Variants in RCAN1 observed in about 807,000 individuals in gnomAD.
RCAN1 encodes the protein regulator of calcineurin 1, also known as calcipressin-1.
RCAN1 carries 11 observed loss-of-function variants against 22.9 expected under a neutral mutation model. The observed-to-expected ratio is 0.48, with a 90% CI of 0.30 to 0.79. The LOEUF (loss-of-function observed/expected upper bound fraction) is 0.79. Among genes scored for constraint, RCAN1 ranks in the 30% least tolerant of loss-of-function variants. RCAN1 has a pLI of 0.06. For synonymous variants in RCAN1, 136 were observed against 142.3 expected (o/e 0.96, Z 0.32); for missense variants, 291 against 337.8 (o/e 0.86, Z 1.09).
chr21:34,614,412 G>A lies in RCAN1; in HGVS notation c.252+348C>T, dbSNP rs879135477. 254 of 999,978 alleles carry A rather than the reference G, an allele frequency of 2.5e-4. No individual in the cohort carries two copies. The highest frequency in any genetic ancestry group is 1.5e-3 in the Middle Eastern group (3 of 2,002). The allele number at this position is 999,978 out of a possible 1,614,324, so 61.9% of individuals were successfully genotyped here. ...GAATGAGGTGACCCCCTCCTCCAGC[G>A]AGTAAATGCGGGGCGATGGCGAGAG... On this transcript the variant is annotated intron_variant, in intron 1 of 3. Coordinates refer to ENST00000313806, the MANE Select transcript of RCAN1 (RefSeq NM_004414.7). The surrounding 1 kb of genome is among the most constrained non-coding windows in gnomAD (Gnocchi z 6.0).
At chr21:34,548,638 C>G (rs1893436094) in intron 1 of RCAN1, among the ~76,000 whole-genome samples, 1 of 152,172 alleles carries the variant, frequency 6.6e-6, no homozygotes, top group Non-Finnish European at 1.5e-5. Context: ...AAACCTTTGT[C>G]TTTAACTGTA....
intron 1 of RCAN1, among the ~76,000 whole-genome samples, chr21:34,537,926 C>T (rs991142836): frequency 6.1e-4 from 93 of 152,334 alleles, no homozygotes; most frequent in African/African-American, 2.2e-3. Flanking sequence ...GAAATGTTGT[C>T]TCCCACTCCT....
intron 1 of RCAN1, among the ~76,000 whole-genome samples, chr21:34,597,633 A>C (rs1486832103): frequency 6.6e-6 from 1 of 152,258 alleles, no homozygotes; most frequent in Non-Finnish European, 1.5e-5. Context: ...GCCACACCCA[A>C]GCTATGGTCA....
intron 1 of RCAN1, among the ~76,000 whole-genome samples, chr21:34,530,624 T>TGTTTGTTTG (rs1190124200): frequency 1.9e-5 from 2 of 102,842 alleles, no homozygotes; most frequent in African/African-American, 9.5e-5. Context: ...TAGTTTTTTT[T>TGTTTGTTTG]TTTTTTTTTT....
At chr21:34,567,303 A>AG (rs1211548574) in intron 1 of RCAN1, among the ~76,000 whole-genome samples, 20 of 152,292 alleles carry the variant, frequency 1.3e-4, no homozygotes, top group African/African-American at 4.6e-4. Flanking sequence ...GAGACCATCC[A>AG]GGCTAACATG....
chr21:34,605,375 T>G (rs1988490908), intron 1 of RCAN1, among the ~76,000 whole-genome samples: 1 of 152,198 alleles, frequency 6.6e-6, no homozygotes, highest in Non-Finnish European at 1.5e-5. Context: ...ACCTTGGGAT[T>G]GTGTGCGTCA....
At chr21:34,561,271 T>C (rs533643527) in intron 1 of RCAN1, among the ~76,000 whole-genome samples, 50 of 152,170 alleles carry the variant, frequency 3.3e-4, no homozygotes, top group Non-Finnish European at 6.8e-4. Flanking sequence ...ATTCACAAAC[T>C]AGTGCTGTGT....
At chr21:34,563,790 T>TAGAGAGAGAG (rs1317228429) in intron 1 of RCAN1, among the ~76,000 whole-genome samples, 65 of 84,376 alleles carry the variant, frequency 7.7e-4, no homozygotes, top group Middle Eastern at 6.5e-3. Context: ...TATATATATA[T>TAGAGAGAGAG]ATATAGAGAG....
At chr21:34,604,700 A>C (rs1198010381) in intron 1 of RCAN1, among the ~76,000 whole-genome samples, 1 of 152,178 alleles carries the variant, frequency 6.6e-6, no homozygotes. Context: ...ATGACAGGCA[A>C]GTGGGCTGTG....
At position 34,517,872 on chromosome 21, in the gene RCAN1, C is replaced by T. The variant is rs1984158465; in HGVS notation, c.*212G>A. 6.7e-6 allele frequency: 4 copies of T among 600,278 alleles called. No individual in the cohort carries two copies. Among genetic ancestry groups the T allele is most frequent in the Admixed American group, 6.0e-5 (2 of 33,170 alleles). The allele number at this position is 600,278 out of a possible 1,614,324, so 37.2% of individuals were successfully genotyped here. A position where few individuals can be genotyped will look rare whatever the true frequency, so the allele number is the denominator to read the frequency against. ...CGATCACCACAAACTCAGTGATTGG[C>T]CCAAGTCATTCCCGGGTGCCATGAA... On this transcript the variant is annotated 3_prime_UTR_variant, in exon 4 of 4. Transcript: ENST00000313806.
chr21:34,555,409 T>C (rs1415657614), intron 1 of RCAN1, among the ~76,000 whole-genome samples: 1 of 152,036 alleles, frequency 6.6e-6, no homozygotes, highest in Non-Finnish European at 1.5e-5. Context: ...GCCTGGGATA[T>C]GTTTAAAATG....
chr21:34,521,951 A>T (rs1984594441), intron 2 of RCAN1: 1 of 360,774 alleles, frequency 2.8e-6, no homozygotes, highest in Non-Finnish European at 5.1e-6. Context: ...AGCAGAGGTG[A>T]CTTTAGTATA....
chr21:34,524,944 C>T (rs1182167379), intron 1 of RCAN1: 9 of 1,383,284 alleles, frequency 6.5e-6, no homozygotes, highest in South Asian at 3.0e-5. Flanking sequence ...TTCTAGTCGC[C>T]GGGTTTTGTG....
At chr21:34,541,110 T>C (rs1196668626) in intron 1 of RCAN1, among the ~76,000 whole-genome samples, 2 of 152,208 alleles carry the variant, frequency 1.3e-5, no homozygotes, top group Admixed American at 1.3e-4. Flanking sequence ...AGATGGAAGC[T>C]TGAGTGATGA....
chr21:34,534,628 G>A (rs1047889964), intron 1 of RCAN1, among the ~76,000 whole-genome samples: 3 of 152,168 alleles, frequency 2.0e-5, no homozygotes, highest in African/African-American at 7.2e-5. Flanking sequence ...ATTCACCAGG[G>A]CATCAAAAGG....
In RCAN1 at chr21:34,563,045, C is replaced by T. The variant is rs763544376; in HGVS notation, c.253-39335G>A. 9.1e-4 allele frequency among the ~76,000 whole-genome samples: 139 copies of T among 152,202 alleles called. 1 individual carries two copies. Among genetic ancestry groups the T allele is most frequent in the Non-Finnish European group, 1.6e-3 (107 of 68,040 alleles). Reference sequence around the variant, plus strand: ...ACCTTTTAACTTCCCCTTACCTCCACACGCACACCATTGCCATCAGTATTG... The same window carrying T: ...ACCTTTTAACTTCCCCTTACCTCCATACGCACACCATTGCCATCAGTATTG... On this transcript the variant is annotated intron_variant, in intron 1 of 3. Transcript: ENST00000313806.
Position 34,525,084 on chromosome 21 carries a change from G to A in RCAN1, c.253-1374C>T, listed in dbSNP as rs549717296. The A allele has an allele frequency of 1.0e-4, 161 of 1,550,628 alleles. 1 individual carries two copies. In the African/African-American group the frequency reaches 2.0e-3, roughly 19 times the overall value. ...AGGCAGCGCGGACAGAGCTCACTGA[G>A]GACCTTGGAGAACCTATGGAAGGCG... On this transcript the variant is annotated intron_variant, in intron 1 of 3. Coordinates refer to ENST00000313806, the MANE Select transcript of RCAN1 (RefSeq NM_004414.7).
chr21:34,523,257 C>T, intron 2 of RCAN1: 1 of 393,102 alleles, frequency 2.5e-6, no homozygotes, highest in Admixed American at 4.0e-5. Context: ...GCCTACCCCG[C>T]TGCACCCTGC....
chr21:34,589,788 G>A (rs1046167227), intron 1 of RCAN1, among the ~76,000 whole-genome samples: 3 of 152,076 alleles, frequency 2.0e-5, no homozygotes, highest in African/African-American at 7.2e-5. Flanking sequence ...CCTCGGGCTG[G>A]GATTTATACC....
Sources: allele counts gnomAD v4.1 joint callset (sites outside exome capture counted in the v4.1 genomes callset), GRCh38; gene constraint gnomAD v4.1.1; non-coding constraint Gnocchi (gnomAD v3.1); transcripts MANE v1.5; gene names NCBI Gene and HGNC (gene_info 2026-07-23, HGNC 2026-07-21).